F5: variants seen among roughly 807,000 people sequenced by gnomAD.
The protein encoded by F5 is coagulation factor V, also known as activated protein c cofactor.
In F5, 138 loss-of-function variants were observed where a neutral mutation model predicts 216.4. That is an observed-to-expected ratio of 0.64 (90% CI 0.56 to 0.73). The LOEUF is 0.73. Among genes scored for constraint, F5 ranks in the 30% least tolerant of loss-of-function variants. The pLI is 0.00. For missense variants in F5, 2,403 were observed against 2,674.0 expected (o/e 0.90, Z 2.24); for synonymous variants, 916 against 930.7 (o/e 0.98, Z 0.29).
At chr1:169,582,618 A>T in intron 1 of F5, 96 bp from the exon 2 acceptor site, 1 of 636,400 alleles carries the variant, frequency 1.6e-6, no homozygotes, top group Non-Finnish European at 2.8e-6. Context: ...TCAGACTTCT[A>T]GTAGAATACC....
intron 10 of F5, among the ~76,000 whole-genome samples, chr1:169,548,343 T>C (rs913913195): frequency 6.6e-6 from 1 of 151,740 alleles, no homozygotes; most frequent in Non-Finnish European, 1.5e-5. Flanking sequence ...TAAGTACCCC[T>C]GAACTTAAGA....
intron 13 of F5, among the ~76,000 whole-genome samples, chr1:169,539,521 G>C (rs1199984242): frequency 2.0e-5 from 3 of 152,188 alleles, no homozygotes; most frequent in African/African-American, 7.2e-5. Flanking sequence ...CATAGGAAAA[G>C]GTGTTTTAAA....
intron 6 of F5, among the ~76,000 whole-genome samples, chr1:169,556,319 T>TCTCTCGC (rs16684): frequency 6.6e-6 from 1 of 150,918 alleles, no homozygotes; most frequent in African/African-American, 2.4e-5. Context: ...TAGGTCTTTT[T>TCTCTCGC]TGCATATGAA....
At chr1:169,556,319 T>TTTCTGGC (rs1660323903) in intron 6 of F5, among the ~76,000 whole-genome samples, 1 of 150,918 alleles carries the variant, frequency 6.6e-6, no homozygotes, top group South Asian at 2.1e-4. Context: ...TAGGTCTTTT[T>TTTCTGGC]TGCATATGAA....
At chr1:169,539,958 T>A (rs752866621) in intron 13 of F5, among the ~76,000 whole-genome samples, 2 of 152,212 alleles carry the variant, frequency 1.3e-5, no homozygotes, top group Non-Finnish European at 2.9e-5. Flanking sequence ...AATTAAATCA[T>A]ATTGATTAGC....
In F5 at chr1:169,559,135, A is replaced by G. The variant is rs1660399126; in HGVS notation, c.730+18T>C. On this transcript the variant is annotated intron_variant, in intron 5 of 24. Transcript: ENST00000367797. ...AATGATTTTACTGTTGTTTAATGGT[A>G]CACAGCCCTCGTGTTACCTGGCATT... 2 of 1,613,456 alleles carry G rather than the reference A, an allele frequency of 1.2e-6. No individual in the cohort carries two copies. Among genetic ancestry groups the G allele is most frequent in the Non-Finnish European group, 1.7e-6 (2 of 1,179,666 alleles).
chr1:169,582,626 A>G, intron 1 of F5, 104 bp from the exon 2 acceptor site: 1 of 598,570 alleles, frequency 1.7e-6, no homozygotes, highest in South Asian at 2.1e-5. Flanking sequence ...CTAGTAGAAT[A>G]CCAGTATCTT....
At position 169,560,588 on chromosome 1, in the gene F5, C is replaced by A. The variant is rs6022; in HGVS notation, c.552G>T (p.Ser184=). ...SHENLIEDFN[S]GLIGPLLICK... ...AGATAAGCAGGGGCCCAATCAGCCC[C>A]GAGTTGAAATCCTCGATCAGATTTT... is the stretch of plus-strand genomic sequence containing the variant. Residue 184 remains serine, a synonymous_variant, in exon 4 of 25, where the codon TCG becomes TCT. Coordinates refer to ENST00000367797, the MANE Select transcript of F5 (RefSeq NM_000130.5). 343,919 of 1,613,178 alleles carry A rather than the reference C, an allele frequency of 0.21. 47,929 individuals are homozygous for A. The highest frequency in any genetic ancestry group is 0.61 in the East Asian group (27,164 of 44,816).
chr1:169,528,242 G>A lies in F5; in HGVS notation c.5420-148C>T, dbSNP rs1659505261. ...ACCTAGCCATGGAAAGGGCCCTCTT[G>A]TATGTCACATTAGTGAGAGGCTAAA... On this transcript the variant is annotated intron_variant, in intron 16 of 24. Coordinates refer to ENST00000367797, the MANE Select transcript of F5 (RefSeq NM_000130.5). 6.5e-6 allele frequency: 6 copies of A among 920,548 alleles called. No individual in the cohort carries two copies. In the South Asian group the frequency reaches 7.3e-5, roughly 11 times the overall value. The allele number at this position is 920,548 out of a possible 1,614,324, so 57.0% of individuals were successfully genotyped here.
chr1:169,566,205 A>C (rs184709844), intron 3 of F5, among the ~76,000 whole-genome samples: 1 of 152,042 alleles, frequency 6.6e-6, no homozygotes, highest in Admixed American at 6.6e-5. Flanking sequence ...TTCTTGCTAC[A>C]TGGCCTCATA....
chr1:169,573,241 C>A (rs920210004), intron 2 of F5, among the ~76,000 whole-genome samples: 4 of 152,086 alleles, frequency 2.6e-5, no homozygotes, highest in Non-Finnish European at 4.4e-5. Context: ...AGCCACCACG[C>A]CTCGTCTAAG....
At chr1:169,551,471 G>T (rs1660167434) in intron 8 of F5, among the ~76,000 whole-genome samples, 1 of 152,174 alleles carries the variant, frequency 6.6e-6, no homozygotes, top group Non-Finnish European at 1.5e-5. Flanking sequence ...CTACTTGCTT[G>T]AGAGGCACAG....
intron 16 of F5, among the ~76,000 whole-genome samples, chr1:169,528,380 C>G (rs932220768): frequency 6.6e-6 from 1 of 152,304 alleles, no homozygotes; most frequent in Non-Finnish European, 1.5e-5. Context: ...CAGTTCCGTG[C>G]TTTACCCGTG....
At chr1:169,544,108 T>C (rs1396888805) in intron 12 of F5, among the ~76,000 whole-genome samples, 188 bp downstream of exon 12, 1 of 152,140 alleles carries the variant, frequency 6.6e-6, no homozygotes, top group Non-Finnish European at 1.5e-5. Flanking sequence ...TAACCCACAC[T>C]AAAGAACTGG....
rs1343321355 is a variant in F5, at chr1:169,520,616, C to T, written c.6097G>A (p.Asp2033Asn). ...DASTIKENQF[D>N]PPIVARYIRI... ...ATATATCTAGCCACAATAGGTGGGTCAAACTGATTCTCTTTTATTGTAGAG... is the reference window on the plus strand; with the variant it reads ...ATATATCTAGCCACAATAGGTGGGTTAAACTGATTCTCTTTTATTGTAGAG... Residue 2033 changes from aspartate to asparagine, a missense_variant, in exon 22 of 25, where the codon GAC (aspartate) becomes AAC (asparagine). This residue lies in a region of F5 where 659 missense variants were observed against 787.9 expected (regional missense o/e 0.84). Transcript: ENST00000367797. 3.1e-6 allele frequency: 5 copies of T among 1,613,836 alleles called. No individual in the cohort carries two copies. The South Asian group carries it at 5.5e-5, about 18-fold the overall frequency.
chr1:169,562,616 C>G (rs1275889399), intron 3 of F5, among the ~76,000 whole-genome samples: 1 of 151,818 alleles, frequency 6.6e-6, no homozygotes, highest in Non-Finnish European at 1.5e-5. Flanking sequence ...TTGTTGCCTT[C>G]TTAGCTTTGT....
rs143152035 is a variant in F5 at position 169,560,602 on chromosome 1, C to A, written c.538G>T (p.Glu180Ter). ...CCAATCAGCCCCGAGTTGAAATCCT[C>A]GATCAGATTTTCATGGGAGTAATAG... ...HIYYSHENLIEDFNSGLIGPL... is the reference protein window; with the variant it reads ...HIYYSHENLI Residue 180 changes from glutamate to a stop codon, truncating the protein, a stop_gained, in exon 4 of 25, where the codon GAG becomes TAG. Coordinates refer to ENST00000367797, the MANE Select transcript of F5 (RefSeq NM_000130.5). LOFTEE classifies it high-confidence loss of function. 1.2e-6 allele frequency: 2 copies of A among 1,613,534 alleles called. No individual in the cohort carries two copies. The highest frequency in any genetic ancestry group is 1.3e-5 in the African/African-American group (1 of 74,816).
Position 169,512,036 on chromosome 1 carries a change from T to C in F5, c.*2277A>G, listed in dbSNP as rs1420609438. ...ATTAGATAATAGCCCAAACATATTA[T>C]TGATCCCCAAACAAGTATTTTCCAG... On this transcript the variant is annotated 3_prime_UTR_variant, in exon 25 of 25. Coordinates refer to ENST00000367797, the MANE Select transcript of F5 (RefSeq NM_000130.5). 6.6e-6 allele frequency among the ~76,000 whole-genome samples: 1 copy of C among 152,066 alleles called. No individual in the cohort carries two copies. Among genetic ancestry groups the C allele is most frequent in the African/African-American group, 2.4e-5 (1 of 41,414 alleles).
chr1:169,523,747 T>C, intron 20 of F5, 54 bp downstream of exon 20: 2 of 1,430,018 alleles, frequency 1.4e-6, no homozygotes, highest in East Asian at 4.5e-5. Flanking sequence ...ACTAAATCAC[T>C]TTCATTTTTA....
Sources: allele counts gnomAD v4.1 joint callset (sites outside exome capture counted in the v4.1 genomes callset), GRCh38; gene constraint gnomAD v4.1.1; regional missense constraint gnomAD v4.1.1; transcripts MANE v1.5; gene names NCBI Gene and HGNC (gene_info 2026-07-23, HGNC 2026-07-21).